The following UBR1 variants were observed in gnomAD, a reference collection of about 807,000 sequenced individuals.
The protein encoded by UBR1 is ubiquitin protein ligase E3 component n-recognin 1, also known as E3 ubiquitin-protein ligase UBR1.
A neutral mutation model predicts 242.1 loss-of-function variants in UBR1; 102 were observed. The observed-to-expected ratio is 0.42, with a 90% CI of 0.36 to 0.50. The LOEUF (loss-of-function observed/expected upper bound fraction) is 0.50, where lower values mean the gene tolerates loss of function less well. Ranked by LOEUF, UBR1 falls within the 20% of genes least tolerant of loss-of-function variation. The pLI is 0.01. For synonymous variants in UBR1, 675 were observed against 684.8 expected, an observed-to-expected ratio of 0.99 and a Z score of 0.22; for missense variants, 1,772 against 2,101.8, an observed-to-expected ratio of 0.84 and a Z score of 3.07.
intron 45 of UBR1, 82 bp downstream of exon 45, chr15:42,952,196 C>T: frequency 2.6e-6 from 4 of 1,545,650 alleles, no homozygotes; most frequent in East Asian, 2.2e-5. Context: ...GCTATCAACA[C>T]ACTGTCCCAC....
At chr15:43,077,676 AT>A (rs147544289) in intron 3 of UBR1, among the ~76,000 whole-genome samples, 108 of 151,150 alleles carry the variant, frequency 7.1e-4, no homozygotes, top group African/African-American at 2.5e-3. Context: ...AAAAAAAAAA[AT>A]AAAAATAAAA....
chr15:43,024,986 A>G lies in UBR1; in HGVS notation c.2585-3T>C, dbSNP rs777886013. On this transcript the variant is annotated splice_polypyrimidine_tract_variant and splice_region_variant and intron_variant, in intron 24 of 46. Transcript: ENST00000290650. ...AGGAGGTGGTGGTGGCGGCAATGCT[A>G]TAGGAGGTGGGGAATGGATGGGGAA... is the stretch of plus-strand genomic sequence containing the variant. 7.4e-6 allele frequency: 12 copies of G among 1,613,874 alleles called. No individual in the cohort carries two copies. Among genetic ancestry groups the G allele is most frequent in the Non-Finnish European group, 1.0e-5 (12 of 1,179,888 alleles).
In UBR1 at chr15:42,970,556, G is replaced by A; in HGVS notation, c.4421C>T (p.Ser1474Phe). The A allele has an allele frequency of 6.2e-7, 1 of 1,613,810 alleles. No homozygotes were observed. Among genetic ancestry groups the A allele is most frequent in the Non-Finnish European group, 8.5e-7 (1 of 1,180,012 alleles). ...QEDSEEAHSA[S>F]SFFAEISQYT... is the part of the protein sequence containing the mutation. ...TTGAGAAATTTCTGCAAAGAAAGAA[G>A]ATGCGGAATGAGCCTCTTCACTGTC... is the stretch of plus-strand genomic sequence containing the variant. The change falls in exon 40 of 47, where the codon TCT becomes TTT. Residue 1474 changes from serine (S) to phenylalanine (F), a missense_variant. Coordinates refer to ENST00000290650, the MANE Select transcript of UBR1 (RefSeq NM_174916.3).
chr15:43,095,450 T>C (rs2034147922), intron 1 of UBR1, among the ~76,000 whole-genome samples: 1 of 151,734 alleles, frequency 6.6e-6, no homozygotes, highest in African/African-American at 2.4e-5. Flanking sequence ...GTTAGGAAAG[T>C]GCACTAACTC....
chr15:43,092,641 C>T (rs767774470), intron 1 of UBR1, among the ~76,000 whole-genome samples: 3 of 152,100 alleles, frequency 2.0e-5, no homozygotes, highest in Admixed American at 6.5e-5. Flanking sequence ...GCAACCTCTG[C>T]CCCCTGGGTT....
intron 1 of UBR1, among the ~76,000 whole-genome samples, chr15:43,095,105 G>A (rs1163304054): frequency 6.6e-6 from 1 of 152,088 alleles, no homozygotes; most frequent in Non-Finnish European, 1.5e-5. Flanking sequence ...TCTGCTGTAT[G>A]GAATATATAT....
intron 21 of UBR1, among the ~76,000 whole-genome samples, chr15:43,028,394 C>T (rs540768510): frequency 5.5e-4 from 83 of 152,210 alleles, no homozygotes; most frequent in Admixed American, 1.9e-3. Flanking sequence ...CAAACTACTA[C>T]AGTAAGCTCA....
chr15:43,100,409 T>C (rs758873410), intron 1 of UBR1, among the ~76,000 whole-genome samples: 1 of 152,160 alleles, frequency 6.6e-6, no homozygotes, highest in African/African-American at 2.4e-5. Flanking sequence ...TGCCGGCTCA[T>C]TCCCTTTTTT....
In UBR1 at chr15:43,032,747, T is replaced by C. The variant is rs1596110461; in HGVS notation, c.2191-116A>G. On this transcript the variant is annotated intron_variant, in intron 19 of 46. Coordinates refer to ENST00000290650, the MANE Select transcript of UBR1 (RefSeq NM_174916.3). ...GCCTAGTATTTTTCATCCAGTCCAG[T>C]ATTTTTTTTGTATGTGTGCACAGCA... 6.2e-6 allele frequency: 4 copies of C among 642,508 alleles called. No homozygotes were observed. In the East Asian group the frequency reaches 8.7e-5, roughly 14 times the overall value. 39.8% of individuals were successfully genotyped at this position (642,508 alleles called of 1,614,324 possible).
intron 4 of UBR1, among the ~76,000 whole-genome samples, chr15:43,072,561 A>G (rs1391423960): frequency 1.3e-5 from 2 of 152,210 alleles, no homozygotes; most frequent in African/African-American, 4.8e-5. Flanking sequence ...CCAATACAAT[A>G]TTGAACAGAT....
chr15:43,070,160 C>T (rs1419299595), intron 5 of UBR1, among the ~76,000 whole-genome samples: 3 of 149,826 alleles, frequency 2.0e-5, no homozygotes, highest in African/African-American at 4.9e-5. Context: ...CATATCAGGT[C>T]CAGAATTCCT....
intron 6 of UBR1, 111 bp from the exon 7 acceptor site, chr15:43,060,225 G>T: frequency 9.9e-7 from 1 of 1,009,954 alleles, no homozygotes; most frequent in Non-Finnish European, 1.6e-6. Context: ...ATCGCGTGTT[G>T]ACTAAAAGTT....
At chr15:43,002,759 G>A in intron 31 of UBR1, 55 bp from the exon 32 acceptor site, 3 of 1,610,888 alleles carry the variant, frequency 1.9e-6, no homozygotes. Context: ...ATCTCTACAT[G>A]TGTATCTCTA....
intron 32 of UBR1, among the ~76,000 whole-genome samples, chr15:43,000,943 C>T (rs1424693026): frequency 2.6e-5 from 4 of 152,060 alleles, no homozygotes; most frequent in Admixed American, 6.6e-5. Flanking sequence ...AAGCAATTTT[C>T]GTGCCTCAGC....
chr15:43,043,496 C>G lies in UBR1; in HGVS notation c.1669-101G>C, dbSNP rs983757644. On this transcript the variant is annotated intron_variant, in intron 14 of 46. Transcript: ENST00000290650. ...CTGTCCTGTGGCCTAGGCTGGAGTA[C>G]AGTGGCATAATCACAGCTCACTGCA... 28 of 1,112,314 alleles carry G rather than the reference C, an allele frequency of 2.5e-5. No homozygotes were observed. In the African/African-American group the frequency reaches 3.9e-4, roughly 15 times the overall value. 68.9% of individuals were successfully genotyped at this position (1,112,314 alleles called of 1,614,324 possible).
intron 16 of UBR1, 104 bp downstream of exon 16, chr15:43,038,067 A>T: frequency 7.4e-7 from 1 of 1,358,580 alleles, no homozygotes; most frequent in Non-Finnish European, 1.0e-6. Flanking sequence ...ACTAAATGGG[A>T]ATTCCTCAGG....
In UBR1 at chr15:42,976,875, A is replaced by G. The variant is rs754753883; in HGVS notation, c.4219-8T>C. On this transcript the variant is annotated splice_region_variant and splice_polypyrimidine_tract_variant and intron_variant, in intron 38 of 46. Transcript: ENST00000290650. ...TGCTAACACAGCACCCACCTATGAGAGAAAAATGGACATCAATATGGCTAA... is the reference window on the plus strand; with the variant it reads ...TGCTAACACAGCACCCACCTATGAGGGAAAAATGGACATCAATATGGCTAA... 2 of 1,612,832 alleles carry G rather than the reference A, an allele frequency of 1.2e-6. No individual in the cohort carries two copies. Among genetic ancestry groups the G allele is most frequent in the East Asian group, 2.2e-5 (1 of 44,824 alleles).
chr15:43,063,918 T>G (rs114022863), intron 6 of UBR1, among the ~76,000 whole-genome samples: 2,221 of 152,244 alleles, frequency 0.015, 58 homozygotes, highest in African/African-American at 0.05. Flanking sequence ...GTATTTCTAG[T>G]AGGGACGGCG....
chr15:43,044,193 G>A lies in UBR1; in HGVS notation c.1669-798C>T, dbSNP rs74828696. On this transcript the variant is annotated intron_variant, in intron 14 of 46. Coordinates refer to ENST00000290650, the MANE Select transcript of UBR1 (RefSeq NM_174916.3). ...GAACTGGAAATGTGCCTTGGCACAG[G>A]CATGTGAATACACTGATGGAGTCCG... is the stretch of plus-strand genomic sequence containing the variant. Among the ~76,000 whole-genome samples, 949 of 152,358 alleles carry A rather than the reference G, an allele frequency of 6.2e-3. 10 individuals carry two copies. The highest frequency in any genetic ancestry group is 0.022 in the African/African-American group (911 of 41,586).
Sources: gnomAD v4.1 joint callset for allele counts (sites outside exome capture counted in the v4.1 genomes callset) on GRCh38, gnomAD v4.1.1 for gene constraint, MANE v1.5 for transcripts, NCBI Gene and HGNC (gene_info 2026-07-23, HGNC 2026-07-21) for gene names.